The following PRR16 variants were observed in gnomAD, a reference collection of about 807,000 sequenced individuals.
PRR16 encodes the protein protein Largen.
PRR16 carries 6 observed loss-of-function variants against 18.2 expected under a neutral mutation model. The observed-to-expected ratio is 0.33, with a 90% CI of 0.18 to 0.65. PRR16 has a LOEUF of 0.65. PRR16 is among the 30% of genes least tolerant of loss of function. The pLI is 0.74. For missense variants in PRR16, 412 were observed against 376.6 expected, an observed-to-expected ratio of 1.09 and a Z score of -0.78; for synonymous variants, 151 against 147.8, an observed-to-expected ratio of 1.02 and a Z score of -0.16.
the PRR16 span, among the ~76,000 whole-genome samples, chr5:120,784,983 A>G: frequency 6.6e-6 from 1 of 152,154 alleles, no homozygotes; most frequent in African/African-American, 2.4e-5. Context: ...TAGCCTGACC[A>G]CCCGCTGCTA....
intron 1 of PRR16, among the ~76,000 whole-genome samples, chr5:120,489,617 C>G (rs1749949643): frequency 6.6e-6 from 1 of 152,136 alleles, no homozygotes. Context: ...GTTTGCCATT[C>G]TGTGTCTTTT....
chr5:120,754,401 T>TTATACTATATAATATATATTATATAATA, the PRR16 span, among the ~76,000 whole-genome samples: 2 of 67,212 alleles, frequency 3.0e-5, 1 homozygote, highest in Non-Finnish European at 5.0e-5. Flanking sequence ...ATGTTATATA[T>TTATACTATATAATATATATTATATAATA]TATACTATAT....
intron 1 of PRR16, among the ~76,000 whole-genome samples, chr5:120,478,092 A>G (rs922057790): frequency 3.9e-5 from 6 of 151,978 alleles, no homozygotes; most frequent in Admixed American, 6.6e-5. Context: ...CTCTTTTTAT[A>G]TTTCAAGTTT....
the PRR16 span, among the ~76,000 whole-genome samples, chr5:120,784,335 G>A: frequency 1.3e-5 from 2 of 152,016 alleles, no homozygotes; most frequent in East Asian, 1.9e-4. Flanking sequence ...AACAGTGTAC[G>A]AGCTTTACTT....
rs148589474 is a variant in PRR16, at chr5:120,498,514, C to T, written c.159+33869C>T. On this transcript the variant is annotated intron_variant, in intron 1 of 1. Transcript: ENST00000407149. Reference sequence around the variant, plus strand: ...CTATTTCTCTACATATATGTAGAAGCGCATCAGACAGTGCCATACTTTCTT... The same window carrying T: ...CTATTTCTCTACATATATGTAGAAGTGCATCAGACAGTGCCATACTTTCTT... Among the ~76,000 whole-genome samples, 782 of 151,710 alleles carry T rather than the reference C, an allele frequency of 5.2e-3. 8 individuals are homozygous for T. Among genetic ancestry groups the T allele is most frequent in the African/African-American group, 0.017 (692 of 41,454 alleles).
intron 1 of PRR16, among the ~76,000 whole-genome samples, chr5:120,586,238 G>A (rs1169864516): frequency 2.0e-5 from 3 of 152,024 alleles, no homozygotes; most frequent in African/African-American, 7.2e-5. Flanking sequence ...TGGAATATGT[G>A]CAACAACTGT....
intron 1 of PRR16, among the ~76,000 whole-genome samples, chr5:120,630,836 G>A (rs1755028021): frequency 6.6e-6 from 1 of 152,048 alleles, no homozygotes. Context: ...TTGCACTATC[G>A]TTCCTTGCCC....
At chr5:120,604,091 A>G (rs987195477) in intron 1 of PRR16, among the ~76,000 whole-genome samples, 7 of 146,716 alleles carry the variant, frequency 4.8e-5, no homozygotes, top group Admixed American at 2.7e-4. Flanking sequence ...TGCTGAGTTT[A>G]GGTCCCAAAT....
intron 1 of PRR16, among the ~76,000 whole-genome samples, chr5:120,517,682 T>C (rs1269441249): frequency 6.6e-6 from 1 of 152,176 alleles, no homozygotes; most frequent in East Asian, 1.9e-4. Flanking sequence ...CTCCAAAATA[T>C]CCTGGTTAAT....
the PRR16 span, among the ~76,000 whole-genome samples, chr5:120,704,485 G>T: frequency 6.6e-6 from 1 of 152,110 alleles, no homozygotes; most frequent in African/African-American, 2.4e-5. Flanking sequence ...GCAAATCTAA[G>T]AATATATGTT....
the PRR16 span, among the ~76,000 whole-genome samples, chr5:120,706,318 T>TCAGTTCCTGAAAAAGAAACTAG: frequency 6.6e-6 from 1 of 151,978 alleles, no homozygotes; most frequent in Non-Finnish European, 1.5e-5. Context: ...TTGATTTTTG[T>TCAGTTCCTGAAAAAGAAACTAG]CAGTTTGACT....
rs144502757 is a variant in PRR16, at chr5:120,654,459, A to C, written c.160-31495A>C. Among the ~76,000 whole-genome samples the C allele has an allele frequency of 1.3e-3, 203 of 151,750 alleles. 1 individual carries two copies. Among genetic ancestry groups the C allele is most frequent in the Middle Eastern group, 3.4e-3 (1 of 294 alleles). ...TATAACAAACTACTTGACACATAAG[A>C]GTTGCCACAAAAAGTGTCTTTTTTT... On this transcript the variant is annotated intron_variant, in intron 1 of 1. Coordinates refer to ENST00000407149, the MANE Select transcript of PRR16 (RefSeq NM_001300783.2).
At chr5:120,628,649 T>TTCTATCTA (rs5870903) in intron 1 of PRR16, among the ~76,000 whole-genome samples, 2 of 149,140 alleles carry the variant, frequency 1.3e-5, no homozygotes, top group African/African-American at 4.9e-5. Context: ...TCTTTCTACC[T>TTCTATCTA]TCTATCTATC....
At chr5:120,770,950 T>TCACACA in the PRR16 span, among the ~76,000 whole-genome samples, 1 of 148,870 alleles carries the variant, frequency 6.7e-6, no homozygotes, top group Non-Finnish European at 1.5e-5. Context: ...TCTCTCTCTC[T>TCACACA]CACACACACA....
chr5:120,656,904 T>C (rs1755998409), intron 1 of PRR16, among the ~76,000 whole-genome samples: 1 of 151,974 alleles, frequency 6.6e-6, no homozygotes, highest in Non-Finnish European at 1.5e-5. Flanking sequence ...ATCCAAATGA[T>C]TTTTGTAGGA....
chr5:120,704,774 C>T, the PRR16 span, among the ~76,000 whole-genome samples: 1 of 152,096 alleles, frequency 6.6e-6, no homozygotes, highest in Non-Finnish European at 1.5e-5. Flanking sequence ...TTAAATAATA[C>T]AATACAGAGA....
the PRR16 span, among the ~76,000 whole-genome samples, chr5:120,731,742 G>T: frequency 3.3e-5 from 5 of 152,110 alleles, no homozygotes; most frequent in African/African-American, 1.2e-4. Context: ...TCAAAACAAG[G>T]CTGGCAATGA....
chr5:120,699,729 G>C, the PRR16 span, among the ~76,000 whole-genome samples: 3 of 152,142 alleles, frequency 2.0e-5, no homozygotes, highest in South Asian at 2.1e-4. Flanking sequence ...GGACAGAAAG[G>C]CTACAGGGTG....
chr5:120,494,899 C>G (rs1750192035), intron 1 of PRR16, among the ~76,000 whole-genome samples: 1 of 151,930 alleles, frequency 6.6e-6, no homozygotes, highest in Non-Finnish European at 1.5e-5. Flanking sequence ...AGTTCTCCAC[C>G]TTTTTGTTGT....
Sources: gnomAD v4.1 joint callset for allele counts (sites outside exome capture counted in the v4.1 genomes callset) on GRCh38, gnomAD v4.1.1 for gene constraint, MANE v1.5 for transcripts, NCBI Gene and HGNC (gene_info 2026-07-23, HGNC 2026-07-21) for gene names.